GRID2: variants seen among roughly 807,000 people sequenced by gnomAD.
The protein encoded by GRID2 is glutamate ionotropic receptor delta type subunit 2.
GRID2 carries 33 observed loss-of-function variants against 114.8 expected under a neutral mutation model. That is an observed-to-expected ratio of 0.29 (90% CI 0.22 to 0.38). The LOEUF (loss-of-function observed/expected upper bound fraction) is 0.38, where lower values mean the gene tolerates loss of function less well. GRID2 is among the 10% of genes least tolerant of loss of function. The pLI is 1.00. For synonymous variants in GRID2, 505 were observed against 449.9 expected, an observed-to-expected ratio of 1.12 and a Z score of -1.55; for missense variants, 1,184 against 1,257.7, an observed-to-expected ratio of 0.94 and a Z score of 0.89.
intron 1 of GRID2, among the ~76,000 whole-genome samples, chr4:92,351,428 A>G (rs1728065871): frequency 6.6e-6 from 1 of 151,844 alleles, no homozygotes; most frequent in Non-Finnish European, 1.5e-5. Context: ...ATTTTGATAC[A>G]TGTATGCAAT....
chr4:93,736,879 A>C (rs1730969128), intron 14 of GRID2, among the ~76,000 whole-genome samples: 1 of 150,688 alleles, frequency 6.6e-6, no homozygotes, highest in Admixed American at 6.6e-5. Flanking sequence ...AAAAAAAAAA[A>C]ATCCATCAAT....
At position 92,771,228 on chromosome 4, in the gene GRID2, G is replaced by A. The variant is rs139738782; in HGVS notation, c.244+180942G>A. Among the ~76,000 whole-genome samples, 363 of 152,204 alleles carry A rather than the reference G, an allele frequency of 2.4e-3. 2 individuals are homozygous for A. The highest frequency in any genetic ancestry group is 8.3e-3 in the African/African-American group (345 of 41,546). On this transcript the variant is annotated intron_variant, in intron 2 of 15. Coordinates refer to ENST00000282020, the MANE Select transcript of GRID2 (RefSeq NM_001510.4). ...AAACCTTCTCCAAAATATTGCAGTC[G>A]TTAGTATCACAAGAAATGCCATTGC...
chr4:93,690,869 T>C (rs1726497355), intron 14 of GRID2, among the ~76,000 whole-genome samples: 1 of 149,160 alleles, frequency 6.7e-6, no homozygotes, highest in Non-Finnish European at 1.5e-5. Flanking sequence ...TAATATGTTA[T>C]AACATTTTTA....
At chr4:93,106,861 G>A (rs1029937000) in intron 3 of GRID2, among the ~76,000 whole-genome samples, 2 of 152,188 alleles carry the variant, frequency 1.3e-5, no homozygotes, top group African/African-American at 4.8e-5. Flanking sequence ...TTGGTGGGAA[G>A]AGTGGTGGTC....
chr4:92,870,772 T>A (rs2149445840), intron 2 of GRID2, among the ~76,000 whole-genome samples: 1 of 152,232 alleles, frequency 6.6e-6, no homozygotes, highest in Non-Finnish European at 1.5e-5. Context: ...CAGGGGAAAA[T>A]AATCTTTACT....
chr4:93,043,689 A>G (rs1488410388), intron 2 of GRID2, among the ~76,000 whole-genome samples: 2 of 151,652 alleles, frequency 1.3e-5, no homozygotes, highest in African/African-American at 2.4e-5. Flanking sequence ...TCTGCTTATC[A>G]TAGGTATGCA....
rs146685975 is a variant in GRID2, at chr4:92,433,483, G to A, written c.88+128739G>A. 4.4e-3 allele frequency among the ~76,000 whole-genome samples: 667 copies of A among 152,320 alleles called. 6 individuals are homozygous for A. The highest frequency in any genetic ancestry group is 0.015 in the African/African-American group (638 of 41,564). On this transcript the variant is annotated intron_variant, in intron 1 of 15. Coordinates refer to ENST00000282020, the MANE Select transcript of GRID2 (RefSeq NM_001510.4). Reference sequence around the variant, plus strand: ...TCTCATCTAAGTGCTTCCTCTGTGGGTGCCAGCTGAATTTTGCCCTGTGTT... The same window carrying A: ...TCTCATCTAAGTGCTTCCTCTGTGGATGCCAGCTGAATTTTGCCCTGTGTT...
chr4:93,513,319 A>T (rs1392011010), intron 12 of GRID2, among the ~76,000 whole-genome samples: 1 of 152,102 alleles, frequency 6.6e-6, no homozygotes, highest in Non-Finnish European at 1.5e-5. Flanking sequence ...AAACAGGGGG[A>T]TATATGTTTA....
At chr4:92,830,100 A>C (rs939066669) in intron 2 of GRID2, among the ~76,000 whole-genome samples, 1 of 144,340 alleles carries the variant, frequency 6.9e-6, no homozygotes, top group Non-Finnish European at 1.5e-5. Context: ...AATAAAATTG[A>C]AAAAAAAAAA....
intron 2 of GRID2, among the ~76,000 whole-genome samples, chr4:92,964,920 A>G (rs1268751460): frequency 1.3e-5 from 2 of 152,026 alleles, no homozygotes; most frequent in Non-Finnish European, 2.9e-5. Context: ...ATAATAGTAC[A>G]TTTAATTTCT....
chr4:93,323,782 C>T (rs1757513543), intron 8 of GRID2, among the ~76,000 whole-genome samples: 1 of 152,052 alleles, frequency 6.6e-6, no homozygotes, highest in Non-Finnish European at 1.5e-5. Flanking sequence ...AAGTTGGATT[C>T]CTAGGTATTT....
intron 11 of GRID2, among the ~76,000 whole-genome samples, chr4:93,478,203 A>T (rs1354370021): frequency 6.6e-6 from 1 of 152,132 alleles, no homozygotes; most frequent in Non-Finnish European, 1.5e-5. Flanking sequence ...GTTTTTGTGT[A>T]ATAAAATTCA....
chr4:92,967,785 C>T (rs938283748), intron 2 of GRID2, among the ~76,000 whole-genome samples: 3 of 151,830 alleles, frequency 2.0e-5, no homozygotes, highest in Admixed American at 6.6e-5. Context: ...TGTGCACAAG[C>T]GAGGGTATAG....
chr4:93,421,261 C>A (rs1373632761), intron 9 of GRID2, among the ~76,000 whole-genome samples: 1 of 152,046 alleles, frequency 6.6e-6, no homozygotes, highest in East Asian at 1.9e-4. Flanking sequence ...AGTCACATGG[C>A]CATGAAGCAA....
intron 2 of GRID2, among the ~76,000 whole-genome samples, chr4:93,045,544 A>G (rs908676356): frequency 3.3e-5 from 5 of 152,194 alleles, no homozygotes; most frequent in South Asian, 2.1e-4. Context: ...AAATATTGCC[A>G]TGAAACAGAA....
intron 2 of GRID2, among the ~76,000 whole-genome samples, chr4:93,061,808 A>C (rs964370477): frequency 6.6e-6 from 1 of 152,150 alleles, no homozygotes; most frequent in Non-Finnish European, 1.5e-5. Context: ...AAAGTGTATG[A>C]CTTCTTAGAC....
intron 13 of GRID2, among the ~76,000 whole-genome samples, chr4:93,614,721 C>T (rs930224428): frequency 2.6e-5 from 4 of 152,032 alleles, no homozygotes; most frequent in South Asian, 2.1e-4. Context: ...TCTGATACAG[C>T]AGTTATTTTT....
At chr4:93,494,675 G>C (rs1442682927) in intron 12 of GRID2, among the ~76,000 whole-genome samples, 1 of 151,630 alleles carries the variant, frequency 6.6e-6, no homozygotes, top group Non-Finnish European at 1.5e-5. Context: ...ATGAGACAGA[G>C]TATGACACAG....
intron 1 of GRID2, among the ~76,000 whole-genome samples, chr4:92,468,560 T>G (rs1721868170): frequency 6.6e-6 from 1 of 152,080 alleles, no homozygotes; most frequent in South Asian, 2.1e-4. Context: ...AAAGTTTAAG[T>G]AAGATACAGT....
Sources: gnomAD v4.1 joint callset for allele counts (sites outside exome capture counted in the v4.1 genomes callset) on GRCh38, gnomAD v4.1.1 for gene constraint, MANE v1.5 for transcripts, NCBI Gene and HGNC (gene_info 2026-07-23, HGNC 2026-07-21) for gene names.